Variants in AFF3 observed in about 807,000 individuals in gnomAD.
AFF3 encodes the protein ALF transcription elongation factor 3, also known as AF4/FMR2 family member 3.
AFF3 carries 32 observed loss-of-function variants against 129.7 expected under a neutral mutation model. That is an observed-to-expected ratio of 0.25 (90% CI 0.19 to 0.33). The LOEUF is 0.33. AFF3 is among the 10% of genes least tolerant of loss of function. The pLI is 1.00. For missense variants in AFF3, 1,373 were observed against 1,592.0 expected, an observed-to-expected ratio of 0.86 and a Z score of 2.34; for synonymous variants, 644 against 635.4, an observed-to-expected ratio of 1.01 and a Z score of -0.20.
intron 4 of AFF3, among the ~76,000 whole-genome samples, chr2:100,031,606 A>C (rs1392610498): frequency 6.6e-6 from 1 of 152,232 alleles, no homozygotes; most frequent in Non-Finnish European, 1.5e-5. Flanking sequence ...GGCAAAAAAT[A>C]TACAAAATAG....
intron 4 of AFF3, among the ~76,000 whole-genome samples, chr2:100,099,518 T>C (rs1028094359): frequency 3.3e-5 from 5 of 151,970 alleles, no homozygotes; most frequent in Non-Finnish European, 5.9e-5. Context: ...TCCATGTTTC[T>C]ATTCACAGTC....
intron 1 of AFF3, among the ~76,000 whole-genome samples, chr2:100,129,719 A>G (rs1692344151): frequency 6.6e-6 from 1 of 152,190 alleles, no homozygotes; most frequent in African/African-American, 2.4e-5. Flanking sequence ...AGCGCTTAGC[A>G]TGTTCCCGGA....
At chr2:100,132,928 G>A (rs952960584) in intron 1 of AFF3, among the ~76,000 whole-genome samples, 4 of 150,000 alleles carry the variant, frequency 2.7e-5, no homozygotes, top group Non-Finnish European at 5.9e-5. Flanking sequence ...TCAATGTTCT[G>A]TTTTTGTTTT....
chr2:99,961,388 C>T (rs1222136971), intron 7 of AFF3, among the ~76,000 whole-genome samples: 1 of 152,196 alleles, frequency 6.6e-6, no homozygotes, highest in African/African-American at 2.4e-5. Context: ...TTTCCTCCCT[C>T]GGGGGCCCCG....
chr2:99,593,246 G>A lies in AFF3; in HGVS notation c.2415C>T (p.Thr805=). 1 of 1,610,574 alleles carries A rather than the reference G, an allele frequency of 6.2e-7. No individual in the cohort carries two copies. The highest frequency in any genetic ancestry group is 8.5e-7 in the Non-Finnish European group (1 of 1,177,580). Residue 805 remains threonine, a synonymous_variant, in exon 15 of 25, where the codon ACC becomes ACT. Coordinates refer to ENST00000672756, the MANE Select transcript of AFF3 (RefSeq NM_001386135.1). ...KDSESAPPSH[T]SDTPAEKALP... ...AAGCCTTTTCTGCAGGTGTGTCCGAGGTGTGGCTGGGCGGTGCGCTCTCAG... is the reference window on the plus strand; with the variant it reads ...AAGCCTTTTCTGCAGGTGTGTCCGAAGTGTGGCTGGGCGGTGCGCTCTCAG...
chr2:100,138,348 T>TG (rs2105610385), intron 1 of AFF3, among the ~76,000 whole-genome samples: 1 of 152,332 alleles, frequency 6.6e-6, no homozygotes, highest in African/African-American at 2.4e-5. Flanking sequence ...GTCATATCTG[T>TG]CACTGTGGCA....
chr2:99,555,775 G>A (rs1212915635), intron 22 of AFF3, among the ~76,000 whole-genome samples: 1 of 152,150 alleles, frequency 6.6e-6, no homozygotes, highest in African/African-American at 2.4e-5. Flanking sequence ...AGTGGTGACT[G>A]ATTTTTCTGG....
intron 4 of AFF3, among the ~76,000 whole-genome samples, chr2:100,016,071 A>G (rs866240365): frequency 5.6e-5 from 8 of 143,394 alleles, no homozygotes; most frequent in South Asian, 2.3e-4. Context: ...TGGTGATGAC[A>G]GTGATGGTGA....
At chr2:99,873,511 A>C (rs547466487) in intron 7 of AFF3, among the ~76,000 whole-genome samples, 1 of 152,246 alleles carries the variant, frequency 6.6e-6, no homozygotes, top group East Asian at 1.9e-4. Flanking sequence ...AGACTCCTTC[A>C]CCTCTGCATG....
chr2:99,570,825 C>T (rs1436174984), intron 18 of AFF3, among the ~76,000 whole-genome samples: 1 of 152,224 alleles, frequency 6.6e-6, no homozygotes. Context: ...TCATCACTTC[C>T]CCCACCTGGA....
intron 8 of AFF3, among the ~76,000 whole-genome samples, chr2:99,811,625 A>G (rs747199699): frequency 1.7e-4 from 26 of 152,248 alleles, no homozygotes; most frequent in Non-Finnish European, 2.6e-4. Context: ...TAAAGTGCAT[A>G]AAGTATGCCC....
chr2:99,868,758 T>C lies in AFF3; in HGVS notation c.874-31234A>G, dbSNP rs566319954. On this transcript the variant is annotated intron_variant, in intron 7 of 24. Transcript: ENST00000672756. ...TTGTATGAAGCTGTCTCTTTGTGCATAGAAGAAAAGGAGCTATGCCAAGGC... is the reference window on the plus strand; with the variant it reads ...TTGTATGAAGCTGTCTCTTTGTGCACAGAAGAAAAGGAGCTATGCCAAGGC... Among the ~76,000 whole-genome samples the C allele has an allele frequency of 9.2e-5, 14 of 152,292 alleles. No homozygotes were observed. In the South Asian group the frequency reaches 2.3e-3, roughly 25 times the overall value.
chr2:99,868,278 TTTTGA>T (rs1275634538), intron 7 of AFF3, among the ~76,000 whole-genome samples: 2 of 152,124 alleles, frequency 1.3e-5, no homozygotes, highest in Non-Finnish European at 2.9e-5. Context: ...AATCTAGATC[TTTTGA>T]TTTTTTTTTA....
intron 11 of AFF3, among the ~76,000 whole-genome samples, chr2:99,693,598 G>C (rs6744428): frequency 0.24 from 35,984 of 152,012 alleles, 4,475 homozygotes; most frequent in East Asian, 0.31. Flanking sequence ...CAATTTGTAA[G>C]TCTTAGATTT....
At chr2:99,841,117 G>A (rs550934082) in intron 7 of AFF3, among the ~76,000 whole-genome samples, 8 of 152,180 alleles carry the variant, frequency 5.3e-5, no homozygotes, top group African/African-American at 7.2e-5. Flanking sequence ...ATTAAACTTC[G>A]GGTTTAATTC....
At chr2:99,822,261 G>C (rs887147345) in intron 8 of AFF3, among the ~76,000 whole-genome samples, 1 of 150,668 alleles carries the variant, frequency 6.6e-6, no homozygotes, top group South Asian at 2.1e-4. Context: ...GGGATAAGAG[G>C]TCCAAGACAC....
chr2:99,598,341 A>C (rs1486625683), intron 14 of AFF3, among the ~76,000 whole-genome samples: 1 of 152,166 alleles, frequency 6.6e-6, no homozygotes, highest in Non-Finnish European at 1.5e-5. Context: ...TCTCCTGCAA[A>C]GCTCTGGTAT....
At chr2:99,746,331 G>A (rs568501159) in intron 9 of AFF3, among the ~76,000 whole-genome samples, 21 of 152,226 alleles carry the variant, frequency 1.4e-4, no homozygotes, top group Non-Finnish European at 2.5e-4. Context: ...GCTGTTATGG[G>A]GTAAAGGGTG....
chr2:100,096,042 G>A (rs1333139415), intron 4 of AFF3, among the ~76,000 whole-genome samples: 2 of 152,028 alleles, frequency 1.3e-5, no homozygotes, highest in Non-Finnish European at 2.9e-5. Context: ...ACGGGGTAGT[G>A]CAATAATTCT....
Sources: gnomAD v4.1 joint callset for allele counts (sites outside exome capture counted in the v4.1 genomes callset) on GRCh38, gnomAD v4.1.1 for gene constraint, MANE v1.5 for transcripts, NCBI Gene and HGNC (gene_info 2026-07-23, HGNC 2026-07-21) for gene names.